Variants in DENND5B observed in about 807,000 individuals in gnomAD.
DENND5B encodes DENN domain containing 5B, also known as DENN domain-containing protein 5B.
Under a neutral mutation model 140.6 loss-of-function variants are expected in DENND5B, and 34 were observed. The observed-to-expected ratio is 0.24, with a 90% confidence interval of 0.18 to 0.32. The LOEUF (loss-of-function observed/expected upper bound fraction) is 0.32, where lower values mean the gene tolerates loss of function less well. Among genes scored for constraint, DENND5B ranks in the 10% least tolerant of loss-of-function variants. The pLI, the probability that DENND5B is intolerant of heterozygous loss-of-function variation, is 1.00. For synonymous variants in DENND5B, 551 were observed against 562.1 expected (o/e 0.98, Z 0.28); for missense variants, 1,142 against 1,560.2 (o/e 0.73, Z 4.52).
chr12:31,499,779 C>T (rs1480709535), intron 1 of DENND5B: 5 of 780,638 alleles, frequency 6.4e-6, no homozygotes, highest in Non-Finnish European at 9.1e-6. Flanking sequence ...CAAAAGCAAT[C>T]ACACAGGAGA....
intron 1 of DENND5B, among the ~76,000 whole-genome samples, chr12:31,557,922 G>A (rs141557917): frequency 2.1e-4 from 32 of 151,838 alleles, no homozygotes; most frequent in African/African-American, 7.2e-4. Flanking sequence ...CTTCAGCCAG[G>A]CATGGTAGTA....
At chr12:31,504,782 C>T (rs1330968488) in intron 1 of DENND5B, among the ~76,000 whole-genome samples, 1 of 152,040 alleles carries the variant, frequency 6.6e-6, no homozygotes, top group African/African-American at 2.4e-5. Flanking sequence ...AGAAAATCTG[C>T]TTCTGGGTGG....
intron 1 of DENND5B, among the ~76,000 whole-genome samples, chr12:31,580,027 CT>C (rs1950166041): frequency 6.6e-6 from 1 of 151,720 alleles, no homozygotes; most frequent in African/African-American, 2.4e-5. Flanking sequence ...ACTGTACTGA[CT>C]GACTGTGCCC....
chr12:31,430,529 G>A lies in DENND5B; in HGVS notation c.2106+2626C>T, dbSNP rs1204830400. ...AAAAAAAAAAAAAAAAAAAAATTAGGTGGGCGTGGTACGTGCCTGTAGTCC... is the reference window on the plus strand; with the variant it reads ...AAAAAAAAAAAAAAAAAAAAATTAGATGGGCGTGGTACGTGCCTGTAGTCC... On this transcript the variant is annotated intron_variant, in intron 8 of 20. Transcript: ENST00000389082. Among the ~76,000 whole-genome samples, 5 of 143,730 alleles carry A rather than the reference G, an allele frequency of 3.5e-5. No individual in the cohort carries two copies. The East Asian group carries it at 1.0e-3, about 29-fold the overall frequency. 94.3% of individuals were successfully genotyped at this position (143,730 alleles called of 152,430 possible).
At chr12:31,480,517 A>G (rs765593519) in intron 2 of DENND5B, among the ~76,000 whole-genome samples, 3 of 152,224 alleles carry the variant, frequency 2.0e-5, no homozygotes, top group Non-Finnish European at 2.9e-5. Context: ...GAACAAGAGA[A>G]TCACTGATTT....
At chr12:31,454,699 T>A (rs2138164314) in intron 4 of DENND5B, among the ~76,000 whole-genome samples, 1 of 151,884 alleles carries the variant, frequency 6.6e-6, no homozygotes, top group South Asian at 2.1e-4. Context: ...TGCCTCAGCC[T>A]CTCACAGTGC....
Position 31,442,887 on chromosome 12 carries a change from T to C in DENND5B, c.1900A>G (p.Thr634Ala). 1 of 1,601,172 alleles carries C rather than the reference T, an allele frequency of 6.2e-7. No homozygotes were observed. Among genetic ancestry groups the C allele is most frequent in the Non-Finnish European group, 8.5e-7 (1 of 1,173,330 alleles). ...IEQRLMKMDH[T>A]AIHPHLLDMK... ...TCAAGTAGATGTGGGTGGATTGCAG[T>C]GTGATCCATTTTCATCAGTCTCTGC... The change falls in exon 7 of 21, where the codon ACT becomes GCT. Residue 634 changes from threonine (T) to alanine (A), a missense_variant. Around this residue, in one of 5 missense-constraint regions of DENND5B, gnomAD observed 708 missense variants for 905.5 expected, o/e 0.78. Transcript: ENST00000389082.
chr12:31,400,062 A>G (rs1941712154), intron 15 of DENND5B, among the ~76,000 whole-genome samples: 1 of 152,240 alleles, frequency 6.6e-6, no homozygotes, highest in African/African-American at 2.4e-5. Flanking sequence ...AGGAACAGTT[A>G]CTTCTACTTG....
At chr12:31,563,735 C>T (rs1427065652) in intron 1 of DENND5B, among the ~76,000 whole-genome samples, 1 of 151,998 alleles carries the variant, frequency 6.6e-6, no homozygotes, top group Non-Finnish European at 1.5e-5. Flanking sequence ...TCTTGGAAAC[C>T]AATAAGAAAC....
intron 12 of DENND5B, 36 bp downstream of exon 12, chr12:31,415,331 T>C (rs1280161236): frequency 1.3e-6 from 2 of 1,511,922 alleles, no homozygotes; most frequent in Admixed American, 4.0e-5. Flanking sequence ...TTCAAAGTTA[T>C]CACCACATGC....
chr12:31,435,559 T>C (rs549688464), intron 7 of DENND5B, among the ~76,000 whole-genome samples: 37 of 152,328 alleles, frequency 2.4e-4, no homozygotes, highest in African/African-American at 8.4e-4. Flanking sequence ...ATGTAAAAAT[T>C]CTTAAAATAT....
At chr12:31,517,647 T>C (rs1947714443) in intron 1 of DENND5B, among the ~76,000 whole-genome samples, 1 of 152,344 alleles carries the variant, frequency 6.6e-6, no homozygotes, top group East Asian at 1.9e-4. Flanking sequence ...GGAACAATGT[T>C]ATAAGATGAT....
At chr12:31,426,696 G>A (rs1943252986) in intron 8 of DENND5B, 1 of 290,126 alleles carries the variant, frequency 3.4e-6, no homozygotes, top group African/African-American at 2.2e-5. Flanking sequence ...ATTTCATTTA[G>A]TCTTTTTATT....
chr12:31,560,119 AG>A (rs373325211), intron 1 of DENND5B, among the ~76,000 whole-genome samples: 36 of 152,266 alleles, frequency 2.4e-4, no homozygotes, highest in East Asian at 2.3e-3. Context: ...GTATAATTCC[AG>A]CTCAGTCTTC....
chr12:31,517,212 A>G (rs1489769753), intron 1 of DENND5B, among the ~76,000 whole-genome samples: 7 of 152,238 alleles, frequency 4.6e-5, no homozygotes, highest in Non-Finnish European at 1.5e-5. Context: ...TGTTTCCTAC[A>G]TGTATAAACT....
intron 1 of DENND5B, among the ~76,000 whole-genome samples, chr12:31,512,080 C>T (rs1358502057): frequency 2.0e-5 from 3 of 151,686 alleles, no homozygotes; most frequent in East Asian, 1.9e-4. Flanking sequence ...CCATGCCTGG[C>T]TAATTTTTGT....
At chr12:31,517,977 C>T (rs577177768) in intron 1 of DENND5B, among the ~76,000 whole-genome samples, 1 of 152,182 alleles carries the variant, frequency 6.6e-6, no homozygotes, top group Non-Finnish European at 1.5e-5. Flanking sequence ...GGGGCTCCTT[C>T]CCTCAACTCA....
At chr12:31,486,845 A>G (rs966618898) in intron 2 of DENND5B, among the ~76,000 whole-genome samples, 1 of 152,224 alleles carries the variant, frequency 6.6e-6, no homozygotes, top group Non-Finnish European at 1.5e-5. Context: ...TACTCCTCTA[A>G]AAAGTATTTA....
At chr12:31,529,617 G>C (rs1380284874) in intron 1 of DENND5B, among the ~76,000 whole-genome samples, 2 of 151,868 alleles carry the variant, frequency 1.3e-5, no homozygotes, top group East Asian at 3.9e-4. Flanking sequence ...TTGAGCCCTG[G>C]AGTTCGAAAC....
Sources: gnomAD v4.1 joint callset for allele counts (sites outside exome capture counted in the v4.1 genomes callset) on GRCh38, gnomAD v4.1.1 for gene constraint, gnomAD v4.1.1 regional missense constraint, MANE v1.5 for transcripts, NCBI Gene and HGNC (gene_info 2026-07-23, HGNC 2026-07-21) for gene names.